The following DLG2 variants were observed in gnomAD, a reference collection of about 807,000 sequenced individuals.
DLG2 encodes discs large MAGUK scaffold protein 2, also known as disks large homolog 2.
A neutral mutation model predicts 132.5 loss-of-function variants in DLG2; 45 were observed. The ratio of observed to expected loss-of-function variants is 0.34; its 90% CI spans 0.27 to 0.44. The LOEUF is 0.44. Among genes scored for constraint, DLG2 ranks in the 20% least tolerant of loss-of-function variants. The pLI is 1.00. For missense variants in DLG2, 1,045 were observed against 1,196.9 expected (o/e 0.87, Z 1.87); for synonymous variants, 424 against 419.6 (o/e 1.01, Z -0.13).
At chr11:84,749,170 C>T (rs759341414) in intron 6 of DLG2, among the ~76,000 whole-genome samples, 2 of 152,142 alleles carry the variant, frequency 1.3e-5, no homozygotes, top group Non-Finnish European at 2.9e-5. Flanking sequence ...CTCTGATCTT[C>T]CCTGACTCCA....
At chr11:85,293,198 T>C (rs932904127) in intron 3 of DLG2, among the ~76,000 whole-genome samples, 29 of 152,238 alleles carry the variant, frequency 1.9e-4, no homozygotes, top group Admixed American at 1.9e-3. Context: ...ATTGAGGGAT[T>C]CTGCAACTAG....
chr11:84,474,616 A>G (rs1371310823), intron 7 of DLG2, among the ~76,000 whole-genome samples: 74 of 152,104 alleles, frequency 4.9e-4, no homozygotes, highest in Non-Finnish European at 1.9e-4. Flanking sequence ...TCAGATAAAT[A>G]AATTTGTCCA....
At chr11:83,787,326 T>G (rs1014841836) in intron 17 of DLG2, among the ~76,000 whole-genome samples, 2 of 96,728 alleles carry the variant, frequency 2.1e-5, no homozygotes, top group African/African-American at 4.8e-5. Flanking sequence ...TTTTTTTGTT[T>G]TTTTTTTTTT....
chr11:85,488,714 G>C (rs561941219), intron 3 of DLG2, among the ~76,000 whole-genome samples: 19 of 152,246 alleles, frequency 1.2e-4, no homozygotes, highest in African/African-American at 4.3e-4. Context: ...TCAAAGTGCT[G>C]AAAGAAAACA....
At chr11:85,370,860 C>T (rs1269328254) in intron 3 of DLG2, among the ~76,000 whole-genome samples, 2 of 152,062 alleles carry the variant, frequency 1.3e-5, no homozygotes, top group African/African-American at 2.4e-5. Context: ...TATATTGGTA[C>T]TATATATGGT....
At chr11:83,662,804 C>T (rs1187958118) in intron 18 of DLG2, among the ~76,000 whole-genome samples, 1 of 152,184 alleles carries the variant, frequency 6.6e-6, no homozygotes, top group Non-Finnish European at 1.5e-5. Context: ...CTCTCAACCA[C>T]AGTAACTTCT....
chr11:84,429,052 G>T (rs2098976024), intron 7 of DLG2, among the ~76,000 whole-genome samples: 1 of 151,998 alleles, frequency 6.6e-6, no homozygotes, highest in Non-Finnish European at 1.5e-5. Flanking sequence ...TTTCTCCAAA[G>T]AAAAAAGGCA....
chr11:84,435,830 G>A (rs914477657), intron 7 of DLG2, among the ~76,000 whole-genome samples: 31 of 152,020 alleles, frequency 2.0e-4, no homozygotes, highest in African/African-American at 6.0e-4. Context: ...TTTGGGTCCA[G>A]GCTTGAAATA....
At chr11:83,959,603 C>A (rs1415260174) in intron 14 of DLG2, among the ~76,000 whole-genome samples, 1 of 151,172 alleles carries the variant, frequency 6.6e-6, no homozygotes, top group Non-Finnish European at 1.5e-5. Context: ...CTTCACAATT[C>A]CATGAAGAAA....
intron 4 of DLG2, among the ~76,000 whole-genome samples, chr11:85,214,806 T>C (rs1052424116): frequency 6.6e-6 from 1 of 152,200 alleles, no homozygotes; most frequent in South Asian, 2.1e-4. Context: ...CAATAAATAC[T>C]CTGTAATAAA....
chr11:85,480,295 C>T (rs1459185988), intron 3 of DLG2, among the ~76,000 whole-genome samples: 2 of 151,976 alleles, frequency 1.3e-5, no homozygotes, highest in Non-Finnish European at 2.9e-5. Context: ...AAAACAGTTA[C>T]AAAATATTCT....
Position 83,822,372 on chromosome 11 carries a change from A to G in DLG2, c.1722+11242T>C, listed in dbSNP as rs186286391. 1.1e-3 allele frequency among the ~76,000 whole-genome samples: 168 copies of G among 152,270 alleles called. 1 individual carries two copies. The highest frequency in any genetic ancestry group is 0.01 in the Middle Eastern group (3 of 294). On this transcript the variant is annotated intron_variant, in intron 17 of 27. Coordinates refer to ENST00000376104, the MANE Select transcript of DLG2 (RefSeq NM_001142699.3). ...ATACTAGACCTAAAACATTCCTCAAATAGAGCTCAGTGAGCCAAATAATCC... is the reference window on the plus strand; with the variant it reads ...ATACTAGACCTAAAACATTCCTCAAGTAGAGCTCAGTGAGCCAAATAATCC...
intron 6 of DLG2, among the ~76,000 whole-genome samples, chr11:85,051,414 T>C (rs2154154198): frequency 6.6e-6 from 1 of 152,296 alleles, no homozygotes; most frequent in African/African-American, 2.4e-5. Context: ...AAATGAAATA[T>C]AAATTTAAAA....
At position 84,387,846 on chromosome 11, in the gene DLG2, A is replaced by C. The variant is rs149013862; in HGVS notation, c.520-136555T>G. 6.6e-5 allele frequency among the ~76,000 whole-genome samples: 10 copies of C among 152,328 alleles called. No homozygotes were observed. The East Asian group carries it at 1.9e-3, about 29-fold the overall frequency. The stretch of plus-strand genomic sequence containing the variant: ...CAAAAACAGTTCTTCAGATTTTTCT[A>C]CTTCTACATTCTGATGAAGTGTCAA... On this transcript the variant is annotated intron_variant, in intron 7 of 27. Coordinates refer to ENST00000376104, the MANE Select transcript of DLG2 (RefSeq NM_001142699.3).
intron 18 of DLG2, chr11:83,725,071 G>T: frequency 1.8e-6 from 1 of 570,262 alleles, no homozygotes. Context: ...AGTTTGAGAT[G>T]CTTTGCAACA....
intron 11 of DLG2, among the ~76,000 whole-genome samples, chr11:84,038,809 G>T (rs2095956817): frequency 6.6e-6 from 1 of 152,016 alleles, no homozygotes; most frequent in South Asian, 2.1e-4. Flanking sequence ...TACAATCATG[G>T]CAGAAGAGGA....
At chr11:83,614,164 G>A (rs1399873686) in intron 19 of DLG2, among the ~76,000 whole-genome samples, 1 of 152,114 alleles carries the variant, frequency 6.6e-6, no homozygotes, top group Non-Finnish European at 1.5e-5. Flanking sequence ...GGAGTTGGAG[G>A]TTCTTTTATT....
chr11:84,678,822 C>G (rs1274311102), intron 6 of DLG2, among the ~76,000 whole-genome samples: 1 of 151,988 alleles, frequency 6.6e-6, no homozygotes, highest in African/African-American at 2.4e-5. Context: ...TTTTCCTGTC[C>G]TCATAGCCAT....
chr11:84,814,961 G>C (rs1019946649), intron 6 of DLG2, among the ~76,000 whole-genome samples: 1 of 152,036 alleles, frequency 6.6e-6, no homozygotes, highest in Admixed American at 6.6e-5. Context: ...CTGCTTTCTG[G>C]GAGACATGTA....
Sources: gnomAD v4.1 joint callset for allele counts (sites outside exome capture counted in the v4.1 genomes callset) on GRCh38, gnomAD v4.1.1 for gene constraint, MANE v1.5 for transcripts, NCBI Gene and HGNC (gene_info 2026-07-23, HGNC 2026-07-21) for gene names.